TBCE: variants seen among roughly 807,000 people sequenced by gnomAD.
TBCE encodes tubulin-specific chaperone E.
TBCE carries 53 observed loss-of-function variants against 77.0 expected under a neutral mutation model. The ratio of observed to expected loss-of-function variants is 0.69; its 90% CI spans 0.55 to 0.87. The LOEUF (loss-of-function observed/expected upper bound fraction) is 0.87. TBCE is among the 40% of genes least tolerant of loss of function. The pLI is 0.00. For synonymous variants in TBCE, 235 were observed against 241.3 expected, an observed-to-expected ratio of 0.97 and a Z score of 0.24; for missense variants, 624 against 622.4, an observed-to-expected ratio of 1.00 and a Z score of -0.03.
At chr1:235,394,200 G>A (rs899701665) in intron 2 of TBCE, among the ~76,000 whole-genome samples, 2 of 151,788 alleles carry the variant, frequency 1.3e-5, no homozygotes, top group African/African-American at 2.4e-5. Flanking sequence ...TCAGCCTCCC[G>A]AGTAGCTGGA....
chr1:235,448,471 G>C, intron 16 of TBCE, 31 bp downstream of exon 16: 1 of 1,591,464 alleles, frequency 6.3e-7, no homozygotes, highest in Non-Finnish European at 8.6e-7. Flanking sequence ...CAAAGTCAAA[G>C]TCAAGCTTAG....
intron 2 of TBCE, among the ~76,000 whole-genome samples, chr1:235,382,024 C>A (rs1421981748): frequency 7.1e-6 from 1 of 140,728 alleles, no homozygotes; most frequent in Non-Finnish European, 1.5e-5. Context: ...TCCATGTGTT[C>A]TCATTGTTCA....
intron 2 of TBCE, among the ~76,000 whole-genome samples, chr1:235,393,420 C>A (rs1678522141): frequency 6.6e-6 from 1 of 152,108 alleles, no homozygotes; most frequent in African/African-American, 2.4e-5. Context: ...TGCCTGTAAT[C>A]CCAGCTACTT....
chr1:235,396,795 A>G (rs1359498027), intron 2 of TBCE, among the ~76,000 whole-genome samples: 1 of 152,008 alleles, frequency 6.6e-6, no homozygotes. Flanking sequence ...AGAAATGTCT[A>G]TTCAGATCTT....
At chr1:235,435,647 C>T in intron 8 of TBCE, 98 bp from the exon 9 acceptor site, 1 of 1,164,112 alleles carries the variant, frequency 8.6e-7, no homozygotes, top group South Asian at 1.2e-5. Flanking sequence ...TTCTTATCCC[C>T]AGCCCTCCAT....
chr1:235,398,157 T>C (rs1027803765), intron 2 of TBCE, among the ~76,000 whole-genome samples: 2 of 121,798 alleles, frequency 1.6e-5, no homozygotes, highest in African/African-American at 6.7e-5. Context: ...TTTTTTTTTT[T>C]CTTTTGAGAT....
chr1:235,395,704 C>T (rs1292562855), intron 2 of TBCE, among the ~76,000 whole-genome samples: 2 of 151,906 alleles, frequency 1.3e-5, no homozygotes, highest in Non-Finnish European at 2.9e-5. Context: ...ACCACCACAC[C>T]TGGCTAAATT....
At chr1:235,368,137 C>A (rs1000713032) in intron 1 of TBCE, among the ~76,000 whole-genome samples, 5 of 152,104 alleles carry the variant, frequency 3.3e-5, no homozygotes, top group Admixed American at 6.6e-5. Context: ...AACTCCTGAT[C>A]TCAGATGATC....
rs932550738 is a variant in TBCE at position 235,434,336 on chromosome 1, A to T, written c.737+56A>T. 2.8e-6 allele frequency: 4 copies of T among 1,444,472 alleles called. No homozygotes were observed. In the African/African-American group the frequency reaches 5.6e-5, roughly 20 times the overall value. The allele number at this position is 1,444,472 out of a possible 1,614,324, so 89.5% of individuals were successfully genotyped here. ...CCCATTTAATCATCATTCTGAGTAA[A>T]TAAATGGTCTCAATTATATCTAACC... On this transcript the variant is annotated intron_variant, in intron 8 of 16. Transcript: ENST00000642610.
intron 2 of TBCE, among the ~76,000 whole-genome samples, chr1:235,398,738 TAGCTGGGACTAC>T (rs1364166952): frequency 2.8e-5 from 4 of 143,226 alleles, no homozygotes; most frequent in African/African-American, 1.0e-4. Flanking sequence ...GCCTTCCGAG[TAGCTGGGACTAC>T]AGCTACTGTA....
chr1:235,442,840 T>G lies in TBCE; in HGVS notation c.1340-12T>G. On this transcript the variant is annotated splice_polypyrimidine_tract_variant and intron_variant, in intron 14 of 16. Transcript: ENST00000642610. The stretch of plus-strand genomic sequence containing the variant: ...AGATATCAATTAGTCTTTTTCTTTG[T>G]TTCTCTTAAAGCACTGAAGATAAAA... The G allele has an allele frequency of 6.2e-7, 1 of 1,613,600 alleles. No homozygotes were observed. The highest frequency in any genetic ancestry group is 8.5e-7 in the Non-Finnish European group (1 of 1,179,600).
chr1:235,387,186 G>A (rs1301229852), intron 2 of TBCE, among the ~76,000 whole-genome samples: 1 of 152,194 alleles, frequency 6.6e-6, no homozygotes, highest in Non-Finnish European at 1.5e-5. Context: ...ACCCGGCCGT[G>A]TGAGGTGTCA....
Position 235,373,840 on chromosome 1 carries a change from G to T in TBCE, c.-31-6179G>T, listed in dbSNP as rs1338396484. 1.4e-5 allele frequency among the ~76,000 whole-genome samples: 2 copies of T among 144,846 alleles called. 1 individual carries two copies. The highest frequency in any genetic ancestry group is 5.3e-5 in the African/African-American group (2 of 37,494). Reference sequence around the variant, plus strand: ...ATTTTTTTGTATTTTTAGTAGAGACGGTGTTTCACCGTGTTAGCCAGGATG... The same window carrying T: ...ATTTTTTTGTATTTTTAGTAGAGACTGTGTTTCACCGTGTTAGCCAGGATG... On this transcript the variant is annotated intron_variant, in intron 1 of 16. Transcript: ENST00000642610.
At chr1:235,397,505 G>T (rs1300957900) in intron 2 of TBCE, among the ~76,000 whole-genome samples, 1 of 152,158 alleles carries the variant, frequency 6.6e-6, no homozygotes, top group Admixed American at 6.5e-5. Flanking sequence ...AAGCCACCGC[G>T]TCCGGCACTT....
Position 235,380,164 on chromosome 1 carries a change from TGTGTGTGTGTGTGTGTGTG to T in TBCE, c.100+16_100+34del, listed in dbSNP as rs775548380. The T allele has an allele frequency of 4.5e-4, 13 of 28,838 alleles. No individual in the cohort carries two copies. In the African/African-American group the frequency reaches 0.034, roughly 74 times the overall value. 1.8% of individuals were successfully genotyped at this position (28,838 alleles called of 1,614,324 possible). On this transcript the variant is annotated intron_variant, in intron 2 of 16. Transcript: ENST00000642610. ...TCCCGTGGCAGGTAAGCAATTATTG[TGTGTGTGTGTGTGTGTGTG>T]TGTGTGTGTGTGTGTGTGTGTGTGT... is the stretch of plus-strand genomic sequence containing the variant.
intron 4 of TBCE, 180 bp downstream of exon 4, chr1:235,414,798 T>G: frequency 6.2e-6 from 4 of 648,560 alleles, no homozygotes; most frequent in Non-Finnish European, 1.1e-5. Context: ...AAAATTCTTA[T>G]GTTAGCACAG....
intron 6 of TBCE, chr1:235,429,174 A>G (rs1680946629): frequency 6.6e-6 from 1 of 151,392 alleles, no homozygotes; most frequent in South Asian, 2.1e-4. Flanking sequence ...TTTTTAGTAG[A>G]TGCAGGGTTT....
In TBCE at chr1:235,434,549, C is replaced by CTTTTTT. The variant is rs113532290; in HGVS notation, c.737+271_737+276dup. ...CTTGCTGTTTCTTTTTTTTCTTTTT[C>CTTTTTT]TTTTTTTGAGACAGAGTCTCACTCT... On this transcript the variant is annotated intron_variant, in intron 8 of 16. Coordinates refer to ENST00000642610, the MANE Select transcript of TBCE (RefSeq NM_003193.5). Among the ~76,000 whole-genome samples, 102,633 of 146,618 alleles carry CTTTTTT rather than the reference C, an allele frequency of 0.7. 36,666 individuals carry two copies. The highest frequency in any genetic ancestry group is 0.85 in the African/African-American group (33,980 of 39,824).
chr1:235,427,900 T>C (rs1451340391), intron 6 of TBCE, among the ~76,000 whole-genome samples: 1 of 151,626 alleles, frequency 6.6e-6, no homozygotes, highest in African/African-American at 2.4e-5. Flanking sequence ...CGTGGTGGCA[T>C]GCAACTGTAG....
Sources: allele counts gnomAD v4.1 joint callset (sites outside exome capture counted in the v4.1 genomes callset), GRCh38; gene constraint gnomAD v4.1.1; transcripts MANE v1.5; gene names NCBI Gene and HGNC (gene_info 2026-07-23, HGNC 2026-07-21).